DOK5: variants seen among roughly 807,000 people sequenced by gnomAD.
DOK5 encodes downstream of tyrosine kinase 5.
Under a neutral mutation model 43.3 loss-of-function variants are expected in DOK5, and 27 were observed. The observed-to-expected ratio is 0.62, with a 90% CI of 0.46 to 0.86. DOK5 has a LOEUF of 0.86. Ranked by LOEUF, DOK5 falls within the 40% of genes least tolerant of loss-of-function variation. The pLI is 0.00. For missense variants in DOK5, 373 were observed against 392.9 expected (o/e 0.95, Z 0.43); for synonymous variants, 146 against 140.1 (o/e 1.04, Z -0.30).
chr20:54,619,046 T>C (rs1374280698), intron 6 of DOK5, among the ~76,000 whole-genome samples: 2 of 95,526 alleles, frequency 2.1e-5, no homozygotes, highest in African/African-American at 1.0e-4. Context: ...TATATATATA[T>C]ATATATATAT....
intron 1 of DOK5, among the ~76,000 whole-genome samples, chr20:54,549,310 A>T (rs1318534387): frequency 6.6e-6 from 1 of 152,224 alleles, no homozygotes; most frequent in East Asian, 1.9e-4. Flanking sequence ...TGGACCAAAC[A>T]GTGAGAATCA....
chr20:54,501,731 T>G (rs906297614), intron 1 of DOK5, among the ~76,000 whole-genome samples: 1 of 152,222 alleles, frequency 6.6e-6, no homozygotes, highest in Non-Finnish European at 1.5e-5. Flanking sequence ...TTAACTCATT[T>G]AGGTATTTCA....
At chr20:54,536,488 C>T (rs1036295943) in intron 1 of DOK5, among the ~76,000 whole-genome samples, 1 of 152,128 alleles carries the variant, frequency 6.6e-6, no homozygotes, top group Admixed American at 6.6e-5. Flanking sequence ...TGGGACATTG[C>T]ATGTAAATCA....
chr20:54,594,428 G>A (rs137913223), intron 5 of DOK5, among the ~76,000 whole-genome samples: 2 of 152,216 alleles, frequency 1.3e-5, no homozygotes, highest in East Asian at 3.9e-4. Flanking sequence ...AATCCCTATA[G>A]AAAATGAATA....
chr20:54,477,685 C>T (rs960401854), intron 1 of DOK5, among the ~76,000 whole-genome samples: 1 of 151,232 alleles, frequency 6.6e-6, no homozygotes, highest in Non-Finnish European at 1.5e-5. Context: ...TTTAGCTTTA[C>T]TCCATCATGT....
chr20:54,610,952 G>A (rs1463551457), intron 6 of DOK5, among the ~76,000 whole-genome samples: 1 of 152,190 alleles, frequency 6.6e-6, no homozygotes, highest in African/African-American at 2.4e-5. Context: ...CTGTTGACAT[G>A]AGAACAAGAG....
intron 2 of DOK5, among the ~76,000 whole-genome samples, chr20:54,565,684 G>A (rs561730863): frequency 6.6e-6 from 1 of 152,264 alleles, no homozygotes; most frequent in East Asian, 1.9e-4. Flanking sequence ...AACTTATTGT[G>A]TGCATGTTGT....
chr20:54,548,205 G>A (rs1984409818), intron 1 of DOK5, among the ~76,000 whole-genome samples: 1 of 151,758 alleles, frequency 6.6e-6, no homozygotes, highest in African/African-American at 2.4e-5. Flanking sequence ...CTCATACAGT[G>A]TATTTACATT....
chr20:54,636,266 C>T (rs6014097), intron 6 of DOK5, among the ~76,000 whole-genome samples: 3,727 of 152,284 alleles, frequency 0.024, 147 homozygotes, highest in African/African-American at 0.085. Context: ...AATAGCCCTT[C>T]CCTGAAACTA....
rs545357915 is a variant in DOK5, at chr20:54,500,557, AT to A, written c.66+24566del. Among the ~76,000 whole-genome samples the A allele has an allele frequency of 8.8e-3, 1,015 of 115,420 alleles. 3 individuals carry two copies. The highest frequency in any genetic ancestry group is 0.025 in the African/African-American group (751 of 29,686). The allele number at this position is 115,420 out of a possible 152,430, so 75.7% of individuals were successfully genotyped here. A position where few individuals can be genotyped will look rare whatever the true frequency, so the allele number is the denominator to read the frequency against. On this transcript the variant is annotated intron_variant, in intron 1 of 7. Transcript: ENST00000262593. The stretch of plus-strand genomic sequence containing the variant: ...ATATTTACAATGTCATACCCAGTGT[AT>A]TTTTTTTTTTTTTTTTTTTTGAGAT...
intron 1 of DOK5, among the ~76,000 whole-genome samples, chr20:54,538,987 T>C (rs963816311): frequency 4.6e-5 from 7 of 152,036 alleles, no homozygotes; most frequent in African/African-American, 1.7e-4. Context: ...CAAAATTATA[T>C]CAAAGGAGAA....
chr20:54,478,259 G>T (rs923176291), intron 1 of DOK5, among the ~76,000 whole-genome samples: 4 of 152,210 alleles, frequency 2.6e-5, no homozygotes, highest in African/African-American at 9.6e-5. Flanking sequence ...GCAAACCAAA[G>T]TTTTAATGGA....
At chr20:54,552,485 G>T (rs1360664688) in intron 1 of DOK5, among the ~76,000 whole-genome samples, 1 of 151,442 alleles carries the variant, frequency 6.6e-6, no homozygotes, top group Non-Finnish European at 1.5e-5. Flanking sequence ...AATTACCTAT[G>T]TTATCTTACA....
intron 6 of DOK5, among the ~76,000 whole-genome samples, chr20:54,623,241 A>G (rs183976696): frequency 3.8e-4 from 58 of 152,238 alleles, no homozygotes; most frequent in Non-Finnish European, 6.3e-4. Flanking sequence ...TAAGTTCCAT[A>G]CAATGCTTAG....
chr20:54,481,673 C>T (rs1981725674), intron 1 of DOK5, among the ~76,000 whole-genome samples: 1 of 152,212 alleles, frequency 6.6e-6, no homozygotes, highest in Non-Finnish European at 1.5e-5. Context: ...GGGCCCAGCA[C>T]AGAGTGGGCA....
intron 1 of DOK5, among the ~76,000 whole-genome samples, chr20:54,491,538 C>T (rs1982176858): frequency 6.6e-6 from 1 of 152,144 alleles, no homozygotes; most frequent in South Asian, 2.1e-4. Context: ...CCAATTTTCA[C>T]CCCTGTCCTA....
intron 6 of DOK5, among the ~76,000 whole-genome samples, chr20:54,628,551 G>T (rs6098125): frequency 6.7e-6 from 1 of 148,540 alleles, no homozygotes; most frequent in Non-Finnish European, 1.5e-5. Context: ...TATGCCCTAA[G>T]AATGACTTAC....
intron 2 of DOK5, among the ~76,000 whole-genome samples, chr20:54,568,408 C>G (rs1985163394): frequency 6.6e-6 from 1 of 152,078 alleles, no homozygotes; most frequent in Admixed American, 6.6e-5. Flanking sequence ...TACATGATGC[C>G]AAAAGGAAAG....
At chr20:54,520,512 C>G (rs1983357191) in intron 1 of DOK5, among the ~76,000 whole-genome samples, 1 of 152,174 alleles carries the variant, frequency 6.6e-6, no homozygotes. Context: ...GGTAAGGTGG[C>G]TCATACCCAT....
Sources: allele counts gnomAD v4.1 joint callset (sites outside exome capture counted in the v4.1 genomes callset), GRCh38; gene constraint gnomAD v4.1.1; transcripts MANE v1.5; gene names NCBI Gene and HGNC (gene_info 2026-07-23, HGNC 2026-07-21).